PCDHA10: variants seen among roughly 807,000 people sequenced by gnomAD.
The protein encoded by PCDHA10 is protocadherin alpha 10, also known as protocadherin alpha-10.
Under a neutral mutation model 61.2 loss-of-function variants are expected in PCDHA10, and 45 were observed. The observed-to-expected ratio is 0.74, with a 90% CI of 0.58 to 0.94. The LOEUF is 0.94. PCDHA10 is among the 40% of genes least tolerant of loss of function. The pLI is 0.00. For missense variants in PCDHA10, 1,278 were observed against 1,236.2 expected, an observed-to-expected ratio of 1.03 and a Z score of -0.51; for synonymous variants, 602 against 548.8, an observed-to-expected ratio of 1.10 and a Z score of -1.35.
chr5:140,939,280 C>T (rs985518425), intron 1 of PCDHA10, among the ~76,000 whole-genome samples: 1 of 152,064 alleles, frequency 6.6e-6, no homozygotes, highest in Non-Finnish European at 1.5e-5. Flanking sequence ...GCTGTGCCCT[C>T]GTGATCTAAT....
chr5:140,970,774 A>G (rs1554232727), intron 1 of PCDHA10, among the ~76,000 whole-genome samples: 2 of 152,218 alleles, frequency 1.3e-5, no homozygotes, highest in Admixed American at 1.3e-4. Context: ...TGCTGTACAT[A>G]CATATTGTAT....
intron 3 of PCDHA10, among the ~76,000 whole-genome samples, chr5:140,998,727 G>T (rs2097831761): frequency 6.6e-6 from 1 of 152,076 alleles, no homozygotes; most frequent in African/African-American, 2.4e-5. Flanking sequence ...ACCACGCTAG[G>T]CTAATTTTGT....
At chr5:140,925,189 C>A (rs1488098385) in intron 1 of PCDHA10, among the ~76,000 whole-genome samples, 2 of 152,116 alleles carry the variant, frequency 1.3e-5, no homozygotes, top group African/African-American at 4.8e-5. Flanking sequence ...TACCATCACC[C>A]AGCTTCAATA....
chr5:140,941,191 T>TTTCTTTCTTTCTTTC lies in PCDHA10; in HGVS notation c.2389-37756_2389-37755insCTTTCTTTCTTTCTT, dbSNP rs1487503403. Among the ~76,000 whole-genome samples, 17 of 93,258 alleles carry TTTCTTTCTTTCTTTC rather than the reference T, an allele frequency of 1.8e-4. No individual in the cohort carries two copies. The South Asian group carries it at 2.0e-3, about 11-fold the overall frequency. The allele number at this position is 93,258 out of a possible 152,430, so 61.2% of individuals were successfully genotyped here. A position where few individuals can be genotyped will look rare whatever the true frequency, so the allele number is the denominator to read the frequency against. ...CATCTTGAACATCCTGCTTCTTTTT[T>TTTCTTTCTTTCTTTC]TTTCTTTCTTCCTTTCTTTCTTCCT... On this transcript the variant is annotated intron_variant, in intron 1 of 3. Coordinates refer to ENST00000307360, the MANE Select transcript of PCDHA10 (RefSeq NM_018901.4).
At chr5:140,861,660 G>C (rs1410564922) in intron 1 of PCDHA10, 1 of 269,190 alleles carries the variant, frequency 3.7e-6, no homozygotes, top group Admixed American at 4.3e-5. Context: ...TCTGAAACGA[G>C]AGCTCTTGAT....
At chr5:140,914,606 C>A (rs1212372337) in intron 1 of PCDHA10, among the ~76,000 whole-genome samples, 2 of 152,072 alleles carry the variant, frequency 1.3e-5, no homozygotes, top group Admixed American at 6.5e-5. Context: ...CTTCCTCCTG[C>A]CATTTTGTAA....
rs548429892 is a variant in PCDHA10 at position 140,891,971 on chromosome 5, G to A, written c.2388+33535G>A. Among the ~76,000 whole-genome samples the A allele has an allele frequency of 9.9e-5, 15 of 152,232 alleles. No homozygotes were observed. In the South Asian group the frequency reaches 1.9e-3, roughly 19 times the overall value. On this transcript the variant is annotated intron_variant, in intron 1 of 3. Transcript: ENST00000307360. ...CCAGAATTGTGAGAAGTAAATTTCC[G>A]TTCTCATAAATTACTCAGTCTGTGG...
Position 140,856,337 on chromosome 5 carries a change from C to A in PCDHA10, c.289C>A (p.Arg97=), listed in dbSNP as rs782782390. 2 of 1,598,382 alleles carry A rather than the reference C, an allele frequency of 1.3e-6. No homozygotes were observed. Among genetic ancestry groups the A allele is most frequent in the Non-Finnish European group, 1.7e-6 (2 of 1,167,996 alleles). The change falls in exon 1 of 4, where the codon CGG becomes AGG. Residue 97 remains arginine, a synonymous_variant. Transcript: ENST00000307360. Reference sequence around the variant, plus strand: ...GATTGACCGCGAGGAGCTGTGCGGGCGGAGCGTGGAGTGCAGCATCCACCT... The same window carrying A: ...GATTGACCGCGAGGAGCTGTGCGGGAGGAGCGTGGAGTGCAGCATCCACCT... The part of the protein sequence containing the change: ...SRIDREELCG[R]SVECSIHLEV...
intron 1 of PCDHA10, chr5:140,927,409 A>C (rs1554204480): frequency 2.5e-6 from 4 of 1,614,002 alleles, no homozygotes; most frequent in Non-Finnish European, 3.4e-6. Flanking sequence ...TCGCCTGGAC[A>C]TGGGATCGCG....
At chr5:140,908,455 AT>A (rs367827339) in intron 1 of PCDHA10, among the ~76,000 whole-genome samples, 51 of 152,296 alleles carry the variant, frequency 3.3e-4, no homozygotes, top group African/African-American at 9.9e-4. Flanking sequence ...GGCTAGATGG[AT>A]CAGAAAGCAC....
At chr5:141,008,528 G>C (rs1343778561) in intron 3 of PCDHA10, among the ~76,000 whole-genome samples, 5 of 152,070 alleles carry the variant, frequency 3.3e-5, no homozygotes, top group African/African-American at 9.7e-5. Flanking sequence ...AGACTCTTGG[G>C]AATGTCTTTT....
intron 1 of PCDHA10, among the ~76,000 whole-genome samples, chr5:140,947,661 T>C (rs2094159982): frequency 6.6e-6 from 1 of 151,672 alleles, no homozygotes; most frequent in South Asian, 2.1e-4. Context: ...CTCCATTTAC[T>C]TGGGTCTTTA....
intron 1 of PCDHA10, among the ~76,000 whole-genome samples, chr5:140,896,219 T>A (rs1212681477): frequency 1.3e-5 from 2 of 152,252 alleles, no homozygotes; most frequent in African/African-American, 2.4e-5. Flanking sequence ...TACATGTGTC[T>A]TTATAGTAGA....
chr5:140,870,945 G>T, intron 1 of PCDHA10: 2 of 1,613,724 alleles, frequency 1.2e-6, no homozygotes, highest in Non-Finnish European at 1.7e-6. Flanking sequence ...AGCCGGCGGC[G>T]GGCGGCTCGC....
At chr5:140,968,464 C>T (rs1554230763) in intron 1 of PCDHA10, 4 of 1,613,996 alleles carry the variant, frequency 2.5e-6, no homozygotes, top group Admixed American at 1.7e-5. Flanking sequence ...TGACTGCCAA[C>T]GTATATGTGG....
chr5:140,978,661 T>A (rs1035787381), intron 1 of PCDHA10, among the ~76,000 whole-genome samples: 15 of 152,246 alleles, frequency 9.9e-5, no homozygotes, highest in Admixed American at 9.8e-4. Context: ...CCGTAGTGTT[T>A]TAAGAACACA....
intron 1 of PCDHA10, among the ~76,000 whole-genome samples, chr5:140,950,612 T>A (rs2094502401): frequency 6.6e-6 from 1 of 152,072 alleles, no homozygotes; most frequent in Non-Finnish European, 1.5e-5. Flanking sequence ...ATGATGTGCT[T>A]ATTTATGCTT....
chr5:140,883,685 C>T (rs782100865), intron 1 of PCDHA10: 50 of 1,613,734 alleles, frequency 3.1e-5, no homozygotes, highest in Non-Finnish European at 3.7e-5. Context: ...GCCGGGCTGC[C>T]ACATCTTCAC....
intron 1 of PCDHA10, chr5:140,927,113 A>G (rs782135853): frequency 1.9e-6 from 3 of 1,613,684 alleles, no homozygotes; most frequent in African/African-American, 1.3e-5. Context: ...CCCAGCGGCA[A>G]TTTGGTGGTC....
Sources: allele counts gnomAD v4.1 joint callset (sites outside exome capture counted in the v4.1 genomes callset), GRCh38; gene constraint gnomAD v4.1.1; transcripts MANE v1.5; gene names NCBI Gene and HGNC (gene_info 2026-07-23, HGNC 2026-07-21).